Variants in CES4A observed in about 807,000 individuals in gnomAD.
The protein encoded by CES4A is carboxylesterase 6.
CES4A carries 48 observed loss-of-function variants against 65.4 expected under a neutral mutation model. The ratio of observed to expected loss-of-function variants is 0.73; its 90% CI spans 0.58 to 0.93. The LOEUF is 0.93. Among genes scored for constraint, CES4A ranks in the 40% least tolerant of loss-of-function variants. The pLI is 0.00. For missense variants in CES4A, 685 were observed against 728.5 expected (o/e 0.94, Z 0.69); for synonymous variants, 247 against 281.8 (o/e 0.88, Z 1.24).
chr16:67,000,474 CG>C lies in CES4A; in HGVS notation c.261-160del. On this transcript the variant is annotated intron_variant, in intron 2 of 13. Coordinates refer to ENST00000648724, the Ensembl canonical transcript of CES4A. The surrounding 1 kb of genome is among the most constrained non-coding windows in gnomAD (Gnocchi z 4.2). ...CAACCTGCCTCCCAGTCCTGGGCCC[CG>C]GGGCTGGCGGAGGCCTCCTGTACAC... 1 of 1,422,732 alleles carries C rather than the reference CG, an allele frequency of 7.0e-7. No individual in the cohort carries two copies. Among genetic ancestry groups the C allele is most frequent in the Non-Finnish European group, 9.2e-7 (1 of 1,091,896 alleles). The allele number at this position is 1,422,732 out of a possible 1,614,324, so 88.1% of individuals were successfully genotyped here.
chr16:66,989,159 G>C (rs1167213491), intron 1 of CES4A, among the ~76,000 whole-genome samples: 1 of 151,892 alleles, frequency 6.6e-6, no homozygotes, highest in African/African-American at 2.4e-5. Flanking sequence ...CAGGAGGCCT[G>C]TCTCTGCCCC....
chr16:67,001,760 C>T lies in CES4A; in HGVS notation c.690+299C>T, dbSNP rs1965375777. ...TCTCCACATTCCCCCAGAACTCTATCCCCTGAACAGAGCCCACCATCTGCC... is the reference window on the plus strand; with the variant it reads ...TCTCCACATTCCCCCAGAACTCTATTCCCTGAACAGAGCCCACCATCTGCC... On this transcript the variant is annotated intron_variant, in intron 5 of 13. Transcript: ENST00000648724. The surrounding 1 kb of genome is among the most constrained non-coding windows in gnomAD (Gnocchi z 4.1). 6.6e-6 allele frequency among the ~76,000 whole-genome samples: 1 copy of T among 152,246 alleles called. No homozygotes were observed. Among genetic ancestry groups the T allele is most frequent in the Admixed American group, 6.5e-5 (1 of 15,284 alleles).
chr16:66,995,768 G>T (rs1211136585), exon 2 of CES4A: 12 of 1,614,062 alleles, frequency 7.4e-6, no homozygotes, highest in Non-Finnish European at 1.0e-5. Context: ...CCTCAGGTTT[G>T]CACCTCCAGA....
intron 13 of CES4A, 53 bp downstream of exon 13, chr16:67,006,870 T>A (rs1965805553): frequency 6.5e-7 from 1 of 1,536,610 alleles, no homozygotes; most frequent in African/African-American, 1.4e-5. Context: ...GTGCTGGACC[T>A]GAAGAAGCCA....
intron 1 of CES4A, 104 bp from the exon 2 acceptor site, chr16:66,995,524 C>T (rs944464125): frequency 2.1e-6 from 2 of 963,450 alleles, no homozygotes; most frequent in African/African-American, 1.6e-5. Flanking sequence ...TTTCCCCTCT[C>T]TTTCCAGGTG....
In CES4A at chr16:67,004,180, C is replaced by T. The variant is rs763531145; in HGVS notation, c.1036C>T (p.Leu346Phe). Residue 346 changes from leucine (L) to phenylalanine (F), a missense_variant, in exon 9 of 14, where the codon CTT becomes TTT. Leu to Phe is a conservative substitution (Grantham distance 22). Coordinates refer to ENST00000648724, the Ensembl canonical transcript of CES4A. ...GGGGAAGGTTTCATCTGTGCCCTAC[C>T]TTCTAGGTGTCAACAACCTGGAATT... 3.1e-6 allele frequency: 5 copies of T among 1,614,216 alleles called. No homozygotes were observed. The South Asian group carries it at 3.3e-5, about 11-fold the overall frequency.
chr16:66,995,170 T>C (rs904187023), intron 1 of CES4A, among the ~76,000 whole-genome samples: 3 of 150,652 alleles, frequency 2.0e-5, no homozygotes, highest in Non-Finnish European at 3.0e-5. Context: ...ATTAGCCGGG[T>C]GTGGTGGCGG....
chr16:67,009,128 CAG>C lies in CES4A; in HGVS notation c.1675_1676del (p.Arg559AlafsTer72). On this transcript the variant is annotated frameshift_variant, in exon 14 of 14. Transcript: ENST00000648724. LOFTEE classifies it high-confidence loss of function. ...GTACCAGTCTCAAAGACCTGAGAAGCAGAGGCAATTCTAAGGGTGGCTATGCA... is the reference window on the plus strand; with the variant it reads ...GTACCAGTCTCAAAGACCTGAGAAGCAGGCAATTCTAAGGGTGGCTATGCA... 1 of 1,612,860 alleles carries C rather than the reference CAG, an allele frequency of 6.2e-7. No individual in the cohort carries two copies. Among genetic ancestry groups the C allele is most frequent in the South Asian group, 1.1e-5 (1 of 90,676 alleles).
chr16:66,995,223 T>C (rs1186213528), intron 1 of CES4A, among the ~76,000 whole-genome samples: 1 of 151,182 alleles, frequency 6.6e-6, no homozygotes, highest in Non-Finnish European at 1.5e-5. Context: ...GGCAGGAGAA[T>C]GGCGTGAATC....
At chr16:67,009,063 T>C in exon 14 of CES4A, 1 of 1,614,174 alleles carries the variant, frequency 6.2e-7, no homozygotes, top group East Asian at 2.2e-5. Flanking sequence ...AGAGTGGGCA[T>C]GAAGCTCAAG....
Position 67,006,383 on chromosome 16 carries a change from A to G in CES4A, c.1316-8A>G, listed in dbSNP as rs980179050. On this transcript the variant is annotated splice_polypyrimidine_tract_variant and splice_region_variant and intron_variant, in intron 11 of 13. Transcript: ENST00000648724. ...TCCTGCATCCCTCCTCAGTTTCCCT[A>G]TTCACAGATGCCGGCCTCCCTGTCT... 53 of 1,536,454 alleles carry G rather than the reference A, an allele frequency of 3.4e-5. No individual in the cohort carries two copies. The highest frequency in any genetic ancestry group is 6.8e-5 in the African/African-American group (5 of 73,020).
At chr16:67,005,864 A>T (rs1311221501) in intron 11 of CES4A, 1 of 171,518 alleles carries the variant, frequency 5.8e-6, no homozygotes, top group African/African-American at 2.4e-5. Flanking sequence ...AAAAACAAAA[A>T]AAGTATAAGA....
At chr16:67,005,365 C>A in exon 11 of CES4A, 1 of 1,614,096 alleles carries the variant, frequency 6.2e-7, no homozygotes, top group Non-Finnish European at 8.5e-7. Context: ...TCGTGTATGC[C>A]ACACTGCAGA....
At position 66,988,711 on chromosome 16, in the gene CES4A, C is replaced by G. The variant is rs1597035049; in HGVS notation, c.-62C>G. ...ACTGTAGACACGGCTACCATGCCATCCACAGTGTTGCCATCCACAGTGTTG... is the reference window on the plus strand; with the variant it reads ...ACTGTAGACACGGCTACCATGCCATGCACAGTGTTGCCATCCACAGTGTTG... On this transcript the variant is annotated 5_prime_UTR_variant, in exon 1 of 14. It adds an upstream start codon to the 5' untranslated region. Coordinates refer to ENST00000648724, the Ensembl canonical transcript of CES4A. The G allele has an allele frequency of 6.4e-7, 1 of 1,550,760 alleles. No homozygotes were observed.
Position 67,001,948 on chromosome 16 carries a change from TCA to T in CES4A, c.690+492_690+493del, listed in dbSNP as rs767911911. Among the ~76,000 whole-genome samples the T allele has an allele frequency of 7.7e-4, 118 of 152,332 alleles. No individual in the cohort carries two copies. The highest frequency in any genetic ancestry group is 2.5e-3 in the African/African-American group (102 of 41,574). On this transcript the variant is annotated intron_variant, in intron 5 of 13. Transcript: ENST00000648724. This position sits in a 1 kb window ranked among gnomAD's most constrained non-coding sequence, Gnocchi z 4.1. ...GGCATATGGCTGGGAAGTGAACACA[TCA>T]CACAGGACATTGCTGGCCACAGTCA...
chr16:67,001,557 G>A lies in CES4A; in HGVS notation c.690+96G>A. On this transcript the variant is annotated intron_variant, in intron 5 of 13. Transcript: ENST00000648724. The surrounding 1 kb of genome is among the most constrained non-coding windows in gnomAD (Gnocchi z 4.1). ...GCACAGGCCATGTGCAGATTTGCGT[G>A]TACAGGAACGTGCCTGCCACAGAAA... 7.2e-7 allele frequency: 1 copy of A among 1,382,532 alleles called. No homozygotes were observed. Among genetic ancestry groups the A allele is most frequent in the African/African-American group, 1.5e-5 (1 of 68,726 alleles). The allele number at this position is 1,382,532 out of a possible 1,614,324, so 85.6% of individuals were successfully genotyped here.
chr16:66,994,421 G>A (rs1490021893), intron 1 of CES4A, among the ~76,000 whole-genome samples: 1 of 150,194 alleles, frequency 6.7e-6, no homozygotes, highest in East Asian at 2.1e-4. Context: ...TTTTAGTAGA[G>A]ACGGGGTTTC....
intron 12 of CES4A, 22 bp downstream of exon 12, chr16:67,006,541 C>T: frequency 6.5e-7 from 1 of 1,541,766 alleles, no homozygotes; most frequent in Non-Finnish European, 8.7e-7. Context: ...CCACCTGATA[C>T]CCCAACTGGG....
chr16:67,006,364 A>G (rs1965758267), intron 11 of CES4A, 27 bp from the exon 12 acceptor site: 1 of 1,536,280 alleles, frequency 6.5e-7, no homozygotes, highest in Non-Finnish European at 8.7e-7. Context: ...CTTTTCCTGC[A>G]TCCCTCCTCA....
Sources: gnomAD v4.1 joint callset for allele counts (sites outside exome capture counted in the v4.1 genomes callset) on GRCh38, gnomAD v4.1.1 for gene constraint, Gnocchi (gnomAD v3.1) non-coding constraint, MANE v1.5 for transcripts, NCBI Gene and HGNC (gene_info 2026-07-23, HGNC 2026-07-21) for gene names.